The following TRHDE variants were observed in gnomAD, a reference collection of about 807,000 sequenced individuals.
TRHDE encodes the protein thyrotropin releasing hormone degrading enzyme.
A neutral mutation model predicts 125.7 loss-of-function variants in TRHDE; 72 were observed. That is an observed-to-expected ratio of 0.57 (90% CI 0.47 to 0.70). TRHDE has a LOEUF of 0.70. TRHDE is among the 30% of genes least tolerant of loss of function. The pLI, the probability that TRHDE is intolerant of heterozygous loss-of-function variation, is 0.00. For synonymous variants in TRHDE, 509 were observed against 509.1 expected (o/e 1.00, Z 0.00); for missense variants, 1,110 against 1,327.1 (o/e 0.84, Z 2.54).
At chr12:72,242,514 C>G (rs1436830888) in intron 2 of TRHDE, among the ~76,000 whole-genome samples, 1 of 152,110 alleles carries the variant, frequency 6.6e-6, no homozygotes, top group African/African-American at 2.4e-5. Context: ...TTTGGACAAG[C>G]CCTCTGTTTT....
chr12:72,372,313 G>A (rs535287858), intron 2 of TRHDE, among the ~76,000 whole-genome samples: 2 of 152,020 alleles, frequency 1.3e-5, no homozygotes, highest in Admixed American at 1.3e-4. Flanking sequence ...TGAGTAGGTT[G>A]CGAAAATTTT....
At chr12:72,540,699 G>C (rs1230432330) in intron 6 of TRHDE, among the ~76,000 whole-genome samples, 1 of 151,564 alleles carries the variant, frequency 6.6e-6, no homozygotes, top group South Asian at 2.1e-4. Flanking sequence ...AAGGAACAGA[G>C]CTGATATGTT....
intron 12 of TRHDE, among the ~76,000 whole-genome samples, chr12:72,590,979 G>A (rs536579619): frequency 2.6e-5 from 4 of 152,216 alleles, no homozygotes; most frequent in African/African-American, 9.6e-5. Flanking sequence ...GTAATATAAA[G>A]AAAAAGGGGT....
chr12:72,343,702 A>G (rs566223955), intron 2 of TRHDE, among the ~76,000 whole-genome samples: 1 of 152,108 alleles, frequency 6.6e-6, no homozygotes, highest in East Asian at 1.9e-4. Flanking sequence ...ACTTTCTTAT[A>G]TGATTTTTGA....
At chr12:72,101,617 T>A (rs1237288612) in intron 1 of TRHDE, among the ~76,000 whole-genome samples, 1 of 152,204 alleles carries the variant, frequency 6.6e-6, no homozygotes, top group Non-Finnish European at 1.5e-5. Context: ...TAGATTTTCC[T>A]GGCATTGCAT....
chr12:72,313,506 G>A (rs1234824564), intron 2 of TRHDE, among the ~76,000 whole-genome samples: 1 of 151,926 alleles, frequency 6.6e-6, no homozygotes, highest in Non-Finnish European at 1.5e-5. Flanking sequence ...GAAATTAATT[G>A]TCATTAAAAG....
At chr12:72,645,639 T>C (rs1354327905) in intron 15 of TRHDE, among the ~76,000 whole-genome samples, 2 of 151,930 alleles carry the variant, frequency 1.3e-5, no homozygotes, top group African/African-American at 4.8e-5. Context: ...CCCCAAATAG[T>C]GACCCTAAGG....
chr12:72,324,471 A>C (rs1048823204), intron 2 of TRHDE, among the ~76,000 whole-genome samples: 1 of 152,108 alleles, frequency 6.6e-6, no homozygotes, highest in African/African-American at 2.4e-5. Context: ...AAGGATATAA[A>C]AAGGAATGAT....
chr12:72,403,828 C>G (rs989082374), intron 3 of TRHDE, among the ~76,000 whole-genome samples: 1 of 152,058 alleles, frequency 6.6e-6, no homozygotes, highest in Non-Finnish European at 1.5e-5. Context: ...GGAAGGAAAC[C>G]AGCATTACCA....
intron 15 of TRHDE, among the ~76,000 whole-genome samples, chr12:72,647,815 G>A (rs1049135872): frequency 6.6e-6 from 1 of 152,088 alleles, no homozygotes; most frequent in Non-Finnish European, 1.5e-5. Flanking sequence ...AGGACTAGAT[G>A]ACTTCACTGA....
chr12:72,452,041 C>A (rs1424673511), intron 3 of TRHDE, among the ~76,000 whole-genome samples: 1 of 152,146 alleles, frequency 6.6e-6, no homozygotes, highest in Non-Finnish European at 1.5e-5. Flanking sequence ...GTCGGCCAGG[C>A]TGGTCTCAAA....
chr12:72,416,645 A>G (rs1360870766), intron 3 of TRHDE, among the ~76,000 whole-genome samples: 1 of 152,068 alleles, frequency 6.6e-6, no homozygotes, highest in East Asian at 1.9e-4. Flanking sequence ...TCCTTTCTCC[A>G]AAGTAAGTTC....
At chr12:72,319,667 G>C (rs1443346631) in intron 2 of TRHDE, among the ~76,000 whole-genome samples, 1 of 152,084 alleles carries the variant, frequency 6.6e-6, no homozygotes, top group Non-Finnish European at 1.5e-5. Flanking sequence ...TTGGCTCTTT[G>C]CAGGATTGCT....
intron 3 of TRHDE, among the ~76,000 whole-genome samples, chr12:72,436,585 C>T (rs1874755971): frequency 6.6e-6 from 1 of 151,832 alleles, no homozygotes; most frequent in Admixed American, 6.6e-5. Context: ...CTTATAAGGT[C>T]AGGCCCAGTG....
At chr12:72,091,018 C>T (rs1874777922) in intron 1 of TRHDE, among the ~76,000 whole-genome samples, 1 of 152,022 alleles carries the variant, frequency 6.6e-6, no homozygotes, top group Non-Finnish European at 1.5e-5. Flanking sequence ...TAGAGGCGTG[C>T]ACCACCATGC....
At chr12:72,434,309 C>G (rs1048219199) in intron 3 of TRHDE, among the ~76,000 whole-genome samples, 1 of 148,990 alleles carries the variant, frequency 6.7e-6, no homozygotes, top group Non-Finnish European at 1.5e-5. Flanking sequence ...CACTTGACCC[C>G]GGGAGGCAGA....
chr12:72,253,247 C>T (rs1465754624), intron 2 of TRHDE, among the ~76,000 whole-genome samples: 8 of 152,002 alleles, frequency 5.3e-5, no homozygotes, highest in East Asian at 1.9e-4. Flanking sequence ...TTTAAGTTCT[C>T]GGAATTTTAT....
At chr12:72,628,837 G>A (rs536249378) in intron 15 of TRHDE, among the ~76,000 whole-genome samples, 44 of 151,856 alleles carry the variant, frequency 2.9e-4, no homozygotes, top group Non-Finnish European at 5.0e-4. Context: ...TTAAATAGTG[G>A]TTATACCTGA....
rs541768969 is a variant in TRHDE, at chr12:72,121,522, C to T, written n.279+15770C>T. Among the ~76,000 whole-genome samples, 209 of 152,188 alleles carry T rather than the reference C, an allele frequency of 1.4e-3. 1 individual carries two copies. Among genetic ancestry groups the T allele is most frequent in the African/African-American group, 4.6e-3 (191 of 41,520 alleles). ...AGCACTGAGTTCCAATGCAAAGTAC[C>T]GCAATCACTGTGCTCTCTTTCCTCT... On this transcript the variant is annotated intron_variant and non_coding_transcript_variant, in intron 2 of 4. Transcript: ENST00000548156.
Sources: allele counts gnomAD v4.1 joint callset (sites outside exome capture counted in the v4.1 genomes callset), GRCh38; gene constraint gnomAD v4.1.1; transcripts MANE v1.5; gene names NCBI Gene and HGNC (gene_info 2026-07-23, HGNC 2026-07-21).